Variants in ILKAP observed in about 807,000 individuals in gnomAD.
The protein encoded by ILKAP is ILK associated serine/threonine phosphatase.
Under a neutral mutation model 49.1 loss-of-function variants are expected in ILKAP, and 11 were observed. The observed-to-expected ratio is 0.22, with a 90% CI of 0.14 to 0.37. The LOEUF is 0.37. Ranked by LOEUF, ILKAP falls within the 10% of genes least tolerant of loss-of-function variation. The pLI, the probability that ILKAP is intolerant of heterozygous loss-of-function variation, is 1.00. For missense variants in ILKAP, 363 were observed against 510.8 expected (o/e 0.71, Z 2.79); for synonymous variants, 186 against 192.8 (o/e 0.96, Z 0.29).
chr2:238,175,730 C>T (rs555971485), intron 9 of ILKAP, among the ~76,000 whole-genome samples: 14 of 152,198 alleles, frequency 9.2e-5, no homozygotes, highest in Admixed American at 9.2e-4. Context: ...GCCCCACCAG[C>T]CCCACAGGCT....
rs1446063537 is a variant in ILKAP at position 238,185,268 on chromosome 2, C to T, written c.445G>A (p.Ala149Thr). 1.9e-6 allele frequency: 3 copies of T among 1,611,426 alleles called. No individual in the cohort carries two copies. Among genetic ancestry groups the T allele is most frequent in the Non-Finnish European group, 2.5e-6 (3 of 1,177,776 alleles). ...SSLITRVSYF[A>T]VFDGHGGIRA... ...ATTCCTCCATGTCCATCAAAAACAGCAAAATATGAAACCCGAGTACTGAAA... is the reference window on the plus strand; with the variant it reads ...ATTCCTCCATGTCCATCAAAAACAGTAAAATATGAAACCCGAGTACTGAAA... Residue 149 changes from alanine (A) to threonine (T), a missense_variant, in exon 6 of 12, where the codon GCT becomes ACT. By Grantham distance (58) the Ala-to-Thr change is moderately conservative. Transcript: ENST00000254654.
intron 10 of ILKAP, 57 bp from the exon 11 acceptor site, chr2:238,171,081 T>C: frequency 2.7e-6 from 3 of 1,122,018 alleles, no homozygotes; most frequent in Admixed American, 2.3e-5. Flanking sequence ...AAATAAAAAA[T>C]AAAAAAAGGG....
chr2:238,171,871 C>G (rs1053673918), intron 10 of ILKAP, among the ~76,000 whole-genome samples: 1 of 152,152 alleles, frequency 6.6e-6, no homozygotes, highest in African/African-American at 2.4e-5. Flanking sequence ...ATCAAACCCC[C>G]CTAGACCGTC....
chr2:238,195,289 T>C (rs2106340212), intron 1 of ILKAP, among the ~76,000 whole-genome samples: 1 of 151,978 alleles, frequency 6.6e-6, no homozygotes, highest in East Asian at 1.9e-4. Flanking sequence ...TGGGGTGGGG[T>C]GGAGGAGGGG....
chr2:238,172,542 A>G (rs1374747637), intron 10 of ILKAP, among the ~76,000 whole-genome samples: 4 of 152,226 alleles, frequency 2.6e-5, no homozygotes, highest in African/African-American at 9.6e-5. Context: ...AGCAAAGCAG[A>G]AGGTGCATCC....
chr2:238,188,099 G>T (rs1179287855), intron 5 of ILKAP, 32 bp downstream of exon 5: 2 of 1,610,888 alleles, frequency 1.2e-6, no homozygotes, highest in Non-Finnish European at 1.7e-6. Context: ...AGATGTTAAT[G>T]CCAGCCGGGC....
In ILKAP at chr2:238,194,335, A is replaced by C. The variant is rs760442740; in HGVS notation, c.122-4T>G. On this transcript the variant is annotated splice_region_variant and splice_polypyrimidine_tract_variant and intron_variant, in intron 2 of 11. Coordinates refer to ENST00000254654, the MANE Select transcript of ILKAP (RefSeq NM_030768.3). ...AAAAGCAAAGGTCCCCCTGATCCTGAAACACAGCAGAACACTTAGTGAGCC... is the reference window on the plus strand; with the variant it reads ...AAAAGCAAAGGTCCCCCTGATCCTGCAACACAGCAGAACACTTAGTGAGCC... The C allele has an allele frequency of 3.7e-6, 6 of 1,614,110 alleles. No individual in the cohort carries two copies. In the East Asian group the frequency reaches 1.1e-4, roughly 30 times the overall value.
At chr2:238,197,906 G>A (rs1559301952) in intron 1 of ILKAP, among the ~76,000 whole-genome samples, 2 of 152,112 alleles carry the variant, frequency 1.3e-5, no homozygotes, top group African/African-American at 4.8e-5. Flanking sequence ...ATTTACCGAT[G>A]AAAAAACTGA....
chr2:238,184,135 A>G, intron 6 of ILKAP, 22 bp from the exon 7 acceptor site: 1 of 1,283,226 alleles, frequency 7.8e-7, no homozygotes, highest in East Asian at 2.3e-5. Context: ...GGGCCAAAAG[A>G]AAACAATCTC....
chr2:238,181,873 A>G lies in ILKAP; in HGVS notation c.836+192T>C, dbSNP rs115682368. Among the ~76,000 whole-genome samples the G allele has an allele frequency of 3.2e-3, 490 of 152,322 alleles. 3 individuals are homozygous for G. Among genetic ancestry groups the G allele is most frequent in the African/African-American group, 0.011 (472 of 41,580 alleles). On this transcript the variant is annotated intron_variant, in intron 9 of 11. Coordinates refer to ENST00000254654, the MANE Select transcript of ILKAP (RefSeq NM_030768.3). The stretch of plus-strand genomic sequence containing the variant: ...GTCCTTTTGCAAATGTAGGGAGGCA[A>G]GTTTCCTTCCACGTGGACACATGTG...
At chr2:238,196,848 C>T (rs2106340999) in intron 1 of ILKAP, among the ~76,000 whole-genome samples, 1 of 152,286 alleles carries the variant, frequency 6.6e-6, no homozygotes, top group Middle Eastern at 3.4e-3. Context: ...TTTCACTTTT[C>T]TTACAAGTGA....
At chr2:238,173,416 C>T in intron 10 of ILKAP, 118 bp downstream of exon 10, 3 of 1,337,838 alleles carry the variant, frequency 2.2e-6, no homozygotes, top group East Asian at 2.3e-5. Flanking sequence ...TCTCTGCACC[C>T]CCAGGGCCTA....
At chr2:238,200,018 A>G (rs1353561530) in intron 1 of ILKAP, among the ~76,000 whole-genome samples, 1 of 152,184 alleles carries the variant, frequency 6.6e-6, no homozygotes, top group East Asian at 1.9e-4. Flanking sequence ...TAGCAACCAA[A>G]TAAGTAAAAG....
chr2:238,192,544 A>G (rs1694176639), intron 3 of ILKAP, among the ~76,000 whole-genome samples: 1 of 151,616 alleles, frequency 6.6e-6, no homozygotes. Context: ...CTAAAAATAC[A>G]AAAAAATTAG....
chr2:238,185,567 G>A lies in ILKAP; in HGVS notation c.426-280C>T, dbSNP rs1693869958. ...GCCTGTAATCCCAGCGCTTTGGGAG[G>A]CCGAGGCAGGCGGATCACGAGATCA... On this transcript the variant is annotated intron_variant, in intron 5 of 11. Coordinates refer to ENST00000254654, the MANE Select transcript of ILKAP (RefSeq NM_030768.3). 2.9e-5 allele frequency: 8 copies of A among 279,586 alleles called. No homozygotes were observed. In the South Asian group the frequency reaches 3.3e-4, roughly 11 times the overall value. The allele number at this position is 279,586 out of a possible 1,614,324, so 17.3% of individuals were successfully genotyped here.
intron 9 of ILKAP, among the ~76,000 whole-genome samples, chr2:238,178,400 G>C (rs1363774030): frequency 6.6e-6 from 1 of 152,166 alleles, no homozygotes; most frequent in Admixed American, 6.6e-5. Flanking sequence ...CGTTGCCCAG[G>C]CTTCTCTCAA....
intron 1 of ILKAP, among the ~76,000 whole-genome samples, chr2:238,203,021 C>T (rs936659342): frequency 6.6e-6 from 1 of 152,118 alleles, no homozygotes; most frequent in African/African-American, 2.4e-5. Flanking sequence ...AATAAAAACG[C>T]CAAGCCCCTG....
intron 4 of ILKAP, among the ~76,000 whole-genome samples, chr2:238,189,151 T>A (rs997559873): frequency 2.0e-5 from 3 of 152,074 alleles, no homozygotes; most frequent in Non-Finnish European, 4.4e-5. Context: ...ACCCCGTCTC[T>A]ACTAAAAATA....
At chr2:238,185,499 T>TAA (rs34992484) in intron 5 of ILKAP, 423 of 429,278 alleles carry the variant, frequency 9.9e-4, no homozygotes, top group East Asian at 3.7e-3. Flanking sequence ...TATCTTTTTT[T>TAA]AAAAAAAAAA....
Sources: gnomAD v4.1 joint callset for allele counts (sites outside exome capture counted in the v4.1 genomes callset) on GRCh38, gnomAD v4.1.1 for gene constraint, MANE v1.5 for transcripts, NCBI Gene and HGNC (gene_info 2026-07-23, HGNC 2026-07-21) for gene names.